Variants in EYS observed in about 807,000 individuals in gnomAD.
The protein encoded by EYS is protein eyes shut homolog.
A neutral mutation model predicts 282.1 loss-of-function variants in EYS; 250 were observed. The observed-to-expected ratio is 0.89, with a 90% confidence interval of 0.80 to 0.98. The LOEUF is 0.98. Ranked by LOEUF, EYS falls within the 50% of genes least tolerant of loss-of-function variation. The pLI, the probability that EYS is intolerant of heterozygous loss-of-function variation, is 0.00. For synonymous variants in EYS, 1,355 were observed against 1,282.9 expected (o/e 1.06, Z -1.20); for missense variants, 4,016 against 3,709.0 (o/e 1.08, Z -2.15).
chr6:64,072,050 A>G (rs961735447), intron 32 of EYS, among the ~76,000 whole-genome samples: 11 of 152,130 alleles, frequency 7.2e-5, no homozygotes, highest in South Asian at 2.1e-4. Flanking sequence ...GCTTCAAGCT[A>G]TAGAACTTAT....
At chr6:64,359,395 G>T (rs1771931590) in intron 29 of EYS, among the ~76,000 whole-genome samples, 2 of 151,598 alleles carry the variant, frequency 1.3e-5, no homozygotes, top group African/African-American at 2.4e-5. Context: ...CTGTAAAATG[G>T]TTTGCTGGCC....
intron 22 of EYS, among the ~76,000 whole-genome samples, chr6:64,697,214 A>C (rs954933487): frequency 4.6e-5 from 7 of 152,324 alleles, no homozygotes; most frequent in Non-Finnish European, 8.8e-5. Flanking sequence ...GCAGTAGAAA[A>C]AGAGATTCCA....
chr6:64,393,368 T>C (rs1773231861), intron 28 of EYS, among the ~76,000 whole-genome samples: 1 of 152,150 alleles, frequency 6.6e-6, no homozygotes, highest in Non-Finnish European at 1.5e-5. Flanking sequence ...TGAACATTGA[T>C]GCAAAAAACC....
Position 63,789,103 on chromosome 6 carries a change from G to A in EYS, c.7533C>T (p.Val2511=), listed in dbSNP as rs1181640297. ...RSEPLNLSLG[V]HTVHLGKFFQ... ...AGAACTTGCCCAGATGAACAGTGTGGACTCCAAGGCTCAGATTGAGGGGCT... is the reference window on the plus strand; with the variant it reads ...AGAACTTGCCCAGATGAACAGTGTGAACTCCAAGGCTCAGATTGAGGGGCT... Residue 2511 remains valine, a synonymous_variant, in exon 38 of 43, where the codon GTC becomes GTT. Coordinates refer to ENST00000503581, the MANE Select transcript of EYS (RefSeq NM_001142800.2). 6.4e-7 allele frequency: 1 copy of A among 1,551,648 alleles called. No individual in the cohort carries two copies. The highest frequency in any genetic ancestry group is 2.0e-5 in the Admixed American group (1 of 51,000).
At chr6:64,145,378 T>A (rs1024331908) in intron 31 of EYS, among the ~76,000 whole-genome samples, 13 of 152,210 alleles carry the variant, frequency 8.5e-5, no homozygotes, top group Non-Finnish European at 1.6e-4. Flanking sequence ...TGGACAACTA[T>A]AGCATTACTA....
In EYS at chr6:63,936,607, C is replaced by T. The variant is rs557280533; in HGVS notation, c.7055+47776G>A. Among the ~76,000 whole-genome samples, 4 of 152,302 alleles carry T rather than the reference C, an allele frequency of 2.6e-5. No homozygotes were observed. In the East Asian group the frequency reaches 7.7e-4, roughly 29 times the overall value. On this transcript the variant is annotated intron_variant, in intron 35 of 42. Coordinates refer to ENST00000503581, the MANE Select transcript of EYS (RefSeq NM_001142800.2). The stretch of plus-strand genomic sequence containing the variant: ...TCCTTAGATTTCTGTTAATGATTCA[C>T]CCATTTATTCACACATGCATTCACT...
intron 22 of EYS, among the ~76,000 whole-genome samples, chr6:64,750,619 G>A (rs377420322): frequency 2.0e-5 from 3 of 152,256 alleles, no homozygotes; most frequent in East Asian, 3.9e-4. Context: ...ATAAGGCATA[G>A]CAGCATAAGA....
rs188530837 is a variant in EYS at position 64,249,824 on chromosome 6, G to C, written c.6192-19000C>G. On this transcript the variant is annotated intron_variant, in intron 30 of 42. Coordinates refer to ENST00000503581, the MANE Select transcript of EYS (RefSeq NM_001142800.2). Reference sequence around the variant, plus strand: ...ATAAATCCTCTGATCTTTTTTTCTTGCTACCCCTTCAATGTCCTTCCATCA... The same window carrying C: ...ATAAATCCTCTGATCTTTTTTTCTTCCTACCCCTTCAATGTCCTTCCATCA... Among the ~76,000 whole-genome samples the C allele has an allele frequency of 2.1e-4, 32 of 152,054 alleles. No homozygotes were observed. In the East Asian group the frequency reaches 5.8e-3, roughly 27 times the overall value.
intron 14 of EYS, among the ~76,000 whole-genome samples, chr6:64,988,937 A>G (rs9363307): frequency 0.067 from 10,218 of 151,530 alleles, 437 homozygotes; most frequent in East Asian, 0.13. Context: ...GGCTTGGCAA[A>G]TCAGTGTAAG....
At chr6:64,246,352 G>A (rs1275930029) in intron 30 of EYS, among the ~76,000 whole-genome samples, 1 of 151,982 alleles carries the variant, frequency 6.6e-6, no homozygotes, top group Admixed American at 6.6e-5. Flanking sequence ...TACCTGAAAT[G>A]GAAGTCACAG....
At chr6:64,548,911 T>C (rs972662900) in intron 26 of EYS, among the ~76,000 whole-genome samples, 1 of 152,052 alleles carries the variant, frequency 6.6e-6, no homozygotes, top group Admixed American at 6.5e-5. Context: ...TGCCCATCTC[T>C]AGAGGCTGAC....
At chr6:65,222,736 A>G (rs1281501099) in intron 12 of EYS, among the ~76,000 whole-genome samples, 1 of 152,238 alleles carries the variant, frequency 6.6e-6, no homozygotes, top group Non-Finnish European at 1.5e-5. Flanking sequence ...ATCTTTGCTC[A>G]GGAATCAACA....
intron 1 of EYS, among the ~76,000 whole-genome samples, chr6:65,649,212 T>G (rs1767566211): frequency 6.6e-6 from 1 of 150,856 alleles, no homozygotes; most frequent in South Asian, 2.1e-4. Context: ...AAGACCCAAC[T>G]ATTTTCTATG....
intron 26 of EYS, among the ~76,000 whole-genome samples, chr6:64,512,428 T>C (rs1020189898): frequency 6.6e-6 from 1 of 151,964 alleles, no homozygotes; most frequent in African/African-American, 2.4e-5. Context: ...GAAAGAGCAC[T>C]TATTTTGACA....
intron 12 of EYS, among the ~76,000 whole-genome samples, chr6:65,197,362 C>A (rs1450461882): frequency 1.3e-5 from 2 of 151,870 alleles, no homozygotes; most frequent in African/African-American, 4.8e-5. Flanking sequence ...AATCTGAGAC[C>A]AGAGTAACTA....
chr6:64,355,913 A>T (rs954991206), intron 29 of EYS, among the ~76,000 whole-genome samples: 2 of 151,586 alleles, frequency 1.3e-5, no homozygotes, highest in African/African-American at 4.8e-5. Flanking sequence ...ATCTGGGAAG[A>T]TGTTAATATT....
chr6:64,971,004 T>A (rs2150111031), intron 14 of EYS, among the ~76,000 whole-genome samples: 1 of 152,220 alleles, frequency 6.6e-6, no homozygotes, highest in Non-Finnish European at 1.5e-5. Flanking sequence ...AGATTCAGGA[T>A]TGCTCTAAGG....
intron 31 of EYS, among the ~76,000 whole-genome samples, chr6:64,198,774 C>G (rs1765376214): frequency 6.6e-6 from 1 of 152,162 alleles, no homozygotes; most frequent in South Asian, 2.1e-4. Context: ...GTAAATAGTG[C>G]TGCACTAAAC....
intron 19 of EYS, among the ~76,000 whole-genome samples, chr6:64,875,469 T>C (rs997875182): frequency 1.3e-5 from 2 of 152,096 alleles, no homozygotes; most frequent in African/African-American, 4.8e-5. Flanking sequence ...TCAGTTGCAT[T>C]TGAAATGAGC....
Sources: allele counts gnomAD v4.1 joint callset (sites outside exome capture counted in the v4.1 genomes callset), GRCh38; gene constraint gnomAD v4.1.1; transcripts MANE v1.5; gene names NCBI Gene and HGNC (gene_info 2026-07-23, HGNC 2026-07-21).